ZFHX3: variants seen among roughly 807,000 people sequenced by gnomAD.
ZFHX3 encodes zinc finger homeobox protein 3.
Under a neutral mutation model 279.1 loss-of-function variants are expected in ZFHX3, and 42 were observed. That is an observed-to-expected ratio of 0.15 (90% CI 0.12 to 0.19). The LOEUF (loss-of-function observed/expected upper bound fraction) is 0.19, where lower values mean the gene tolerates loss of function less well. Among genes scored for constraint, ZFHX3 ranks in the 10% least tolerant of loss-of-function variants. The pLI is 1.00. For missense variants in ZFHX3, 4,981 were observed against 4,754.0 expected, an observed-to-expected ratio of 1.05 and a Z score of -1.40; for synonymous variants, 2,293 against 1,957.8, an observed-to-expected ratio of 1.17 and a Z score of -4.52.
Position 73,683,003 on chromosome 16 carries a change from GAAA to G in ZFHX3, c.-1607-2766_-1607-2764del, listed in dbSNP as rs1567550853. Among the ~76,000 whole-genome samples, 16 of 84,860 alleles carry G rather than the reference GAAA, an allele frequency of 1.9e-4. 1 individual carries two copies. Among genetic ancestry groups the G allele is most frequent in the Non-Finnish European group, 3.7e-4 (13 of 34,676 alleles). 55.7% of individuals were successfully genotyped at this position (84,860 alleles called of 152,430 possible). A position where few individuals can be genotyped will look rare whatever the true frequency, so the allele number is the denominator to read the frequency against. ...GAAAGAAAGAAAGAAAAGAAAGAAA[GAAA>G]GAAAGAGAAAGGAGGGAGGGAGGGA... On this transcript the variant is annotated intron_variant, in intron 1 of 17. Transcript: ENST00000641206.
chr16:73,066,146 G>A (rs960922255), intron 8 of ZFHX3, among the ~76,000 whole-genome samples: 3 of 152,228 alleles, frequency 2.0e-5, no homozygotes, highest in Non-Finnish European at 2.9e-5. Flanking sequence ...CTCGGGGCGC[G>A]CCCTCTCAGC....
chr16:73,787,761 G>T (rs745775865), intron 1 of ZFHX3, among the ~76,000 whole-genome samples: 1 of 151,126 alleles, frequency 6.6e-6, no homozygotes, highest in Non-Finnish European at 1.5e-5. Flanking sequence ...TCCCAACACT[G>T]GATAGGCCTA....
At chr16:73,009,671 T>C (rs1963842217) in intron 1 of ZFHX3, among the ~76,000 whole-genome samples, 1 of 151,964 alleles carries the variant, frequency 6.6e-6, no homozygotes, top group Admixed American at 6.6e-5. Flanking sequence ...AAAACCTCCA[T>C]CCCCCAGCAG....
At chr16:73,553,272 T>G (rs1211698063) in intron 2 of ZFHX3, among the ~76,000 whole-genome samples, 1 of 152,056 alleles carries the variant, frequency 6.6e-6, no homozygotes, top group Non-Finnish European at 1.5e-5. Flanking sequence ...CACCTTAATC[T>G]CAACACATTT....
chr16:73,337,736 C>G (rs2015941279), intron 3 of ZFHX3, among the ~76,000 whole-genome samples: 1 of 151,852 alleles, frequency 6.6e-6, no homozygotes, highest in South Asian at 2.1e-4. Flanking sequence ...TTCTAGGTCC[C>G]CACTGTACTG....
Position 73,746,738 on chromosome 16 carries a change from A to T in ZFHX3, c.-1607-66498T>A, listed in dbSNP as rs1056045094. ...TTAACCAAATTATCCAGCAGTCTGA[A>T]TCATTCCTTAAGTAAGATAACAAAT... On this transcript the variant is annotated intron_variant, in intron 1 of 17. Coordinates refer to the ZFHX3 transcript ENST00000641206. 2.0e-5 allele frequency among the ~76,000 whole-genome samples: 3 copies of T among 152,360 alleles called. No individual in the cohort carries two copies. The South Asian group carries it at 6.2e-4, about 32-fold the overall frequency.
intron 7 of ZFHX3, among the ~76,000 whole-genome samples, chr16:73,124,059 T>TC (rs1450664194): frequency 6.6e-6 from 1 of 152,168 alleles, no homozygotes; most frequent in African/African-American, 2.4e-5. Context: ...ACCAACCAAC[T>TC]AATACAGTTT....
intron 2 of ZFHX3, among the ~76,000 whole-genome samples, chr16:73,500,923 T>G (rs1346566704): frequency 6.6e-6 from 1 of 152,220 alleles, no homozygotes; most frequent in African/African-American, 2.4e-5. Context: ...TGTACAATGC[T>G]TACAGTCTAC....
intron 7 of ZFHX3, chr16:73,125,436 G>C (rs1171921519): frequency 1.3e-5 from 2 of 151,986 alleles, no homozygotes; most frequent in Admixed American, 1.3e-4. Flanking sequence ...TGGATTGAAG[G>C]ATATAAAATA....
intron 1 of ZFHX3, among the ~76,000 whole-genome samples, chr16:73,701,215 A>G (rs959200594): frequency 6.6e-6 from 1 of 152,260 alleles, no homozygotes; most frequent in Non-Finnish European, 1.5e-5. Context: ...TTATTTGAAA[A>G]TAAATAAATC....
chr16:72,819,828 CAGAAGGAATAAG>C (rs1489159444), intron 5 of ZFHX3, among the ~76,000 whole-genome samples: 11 of 152,236 alleles, frequency 7.2e-5, no homozygotes, highest in African/African-American at 1.7e-4. Context: ...ACCAGAAATT[CAGAAGGAATAAG>C]CTCCATGTGT....
chr16:73,587,986 T>C (rs1396696885), intron 2 of ZFHX3, among the ~76,000 whole-genome samples: 1 of 152,144 alleles, frequency 6.6e-6, no homozygotes, highest in Non-Finnish European at 1.5e-5. Flanking sequence ...TTTACAAAAA[T>C]GGGGCACACA....
At chr16:73,654,019 C>T (rs1478927420) in intron 2 of ZFHX3, among the ~76,000 whole-genome samples, 1 of 151,808 alleles carries the variant, frequency 6.6e-6, no homozygotes, top group African/African-American at 2.4e-5. Flanking sequence ...CCCGTCTCTA[C>T]TAAAAATACA....
chr16:72,813,685 C>T (rs971682546), intron 5 of ZFHX3, among the ~76,000 whole-genome samples: 5 of 152,196 alleles, frequency 3.3e-5, no homozygotes, highest in African/African-American at 7.2e-5. Context: ...TGTCTCGAAT[C>T]GACTTCAAAC....
rs145229120 is a variant in ZFHX3 at position 73,407,860 on chromosome 16, C to A, written c.-1291+48143G>T. ...CTGGGGAATCGTGCAAATGGTCTTC[C>A]ACTGCCCTCTTAGATTCTTTTTATG... is the stretch of plus-strand genomic sequence containing the variant. On this transcript the variant is annotated intron_variant, in intron 3 of 17. Transcript: ENST00000641206. 3.3e-5 allele frequency among the ~76,000 whole-genome samples: 5 copies of A among 152,282 alleles called. No homozygotes were observed. The East Asian group carries it at 9.6e-4, about 29-fold the overall frequency.
chr16:73,612,418 T>C (rs540213081), intron 2 of ZFHX3, among the ~76,000 whole-genome samples: 1 of 152,332 alleles, frequency 6.6e-6, no homozygotes, highest in South Asian at 2.1e-4. Flanking sequence ...CACGCTGCTG[T>C]AATAGGAAAA....
intron 2 of ZFHX3, 135 bp from the exon 3 acceptor site, chr16:72,951,100 G>T (rs980881591): frequency 8.0e-7 from 1 of 1,245,272 alleles, no homozygotes; most frequent in Non-Finnish European, 1.1e-6. Flanking sequence ...GTTGCAAAGG[G>T]CTACTGGCTG....
At chr16:73,620,500 T>C (rs1465349958) in intron 2 of ZFHX3, among the ~76,000 whole-genome samples, 2 of 152,230 alleles carry the variant, frequency 1.3e-5, no homozygotes, top group Non-Finnish European at 2.9e-5. Context: ...AGCAAAAATG[T>C]CTCAACACTT....
intron 2 of ZFHX3, among the ~76,000 whole-genome samples, chr16:73,624,133 C>T (rs1014430294): frequency 5.3e-5 from 8 of 152,136 alleles, no homozygotes; most frequent in East Asian, 1.9e-4. Context: ...CTTTGCACTA[C>T]GCTGGATGAT....
Sources: gnomAD v4.1 joint callset for allele counts (sites outside exome capture counted in the v4.1 genomes callset) on GRCh38, gnomAD v4.1.1 for gene constraint, MANE v1.5 for transcripts, NCBI Gene and HGNC (gene_info 2026-07-23, HGNC 2026-07-21) for gene names.